Variants in CDH12 observed in about 807,000 individuals in gnomAD.
The protein encoded by CDH12 is cadherin 12.
In CDH12, 41 loss-of-function variants were observed where a neutral mutation model predicts 74.1. That is an observed-to-expected ratio of 0.55 (90% confidence interval 0.43 to 0.72). The LOEUF (loss-of-function observed/expected upper bound fraction) is 0.72. Ranked by LOEUF, CDH12 falls within the 30% of genes least tolerant of loss-of-function variation. The probability of loss-of-function intolerance (pLI) is 0.00; values close to 1 mark genes in which losing one functional copy is unlikely to be tolerated. For synonymous variants in CDH12, 399 were observed against 355.0 expected, an observed-to-expected ratio of 1.12 and a Z score of -1.39; for missense variants, 945 against 977.2, an observed-to-expected ratio of 0.97 and a Z score of 0.44.
chr5:22,192,063 G>T (rs910806940), intron 4 of CDH12, among the ~76,000 whole-genome samples: 2 of 152,068 alleles, frequency 1.3e-5, no homozygotes, highest in South Asian at 4.1e-4. Flanking sequence ...AGACTCCCCA[G>T]TAGCTAGGAT....
chr5:22,619,198 C>A (rs1215469443), intron 1 of CDH12, among the ~76,000 whole-genome samples: 1 of 152,066 alleles, frequency 6.6e-6, no homozygotes, highest in Non-Finnish European at 1.5e-5. Flanking sequence ...GTCCCTATAT[C>A]TTTCCATACT....
intron 6 of CDH12, among the ~76,000 whole-genome samples, chr5:21,933,252 T>C (rs1254250995): frequency 6.6e-6 from 1 of 152,168 alleles, no homozygotes. Context: ...TTTTATTATG[T>C]TGAACATCAG....
intron 4 of CDH12, among the ~76,000 whole-genome samples, chr5:22,097,440 C>T (rs767095763): frequency 1.3e-5 from 2 of 152,188 alleles, no homozygotes; most frequent in South Asian, 2.1e-4. Flanking sequence ...ACATTACCTT[C>T]TTTTCAAGGG....
chr5:22,081,775 A>C (rs1742744970), intron 4 of CDH12, among the ~76,000 whole-genome samples: 1 of 152,294 alleles, frequency 6.6e-6, no homozygotes, highest in Admixed American at 6.5e-5. Flanking sequence ...CTTAGAAGTC[A>C]AATGTGTCTA....
chr5:22,549,187 G>A (rs1290058934), intron 1 of CDH12, among the ~76,000 whole-genome samples: 1 of 150,810 alleles, frequency 6.6e-6, no homozygotes, highest in African/African-American at 2.4e-5. Context: ...TGGCCAGGCT[G>A]GCCTGGAATT....
At chr5:22,027,193 A>C (rs1338952790) in intron 5 of CDH12, among the ~76,000 whole-genome samples, 3 of 151,938 alleles carry the variant, frequency 2.0e-5, no homozygotes, top group Admixed American at 2.0e-4. Context: ...AAGCTTTTTG[A>C]TGTGCTGCTG....
intron 6 of CDH12, among the ~76,000 whole-genome samples, chr5:21,967,438 C>T (rs1377360452): frequency 1.3e-5 from 2 of 152,238 alleles, no homozygotes; most frequent in East Asian, 3.9e-4. Context: ...ATGTTTACAA[C>T]CACTTGGAGG....
At chr5:21,981,189 T>A (rs6898840) in intron 5 of CDH12, among the ~76,000 whole-genome samples, 2 of 152,092 alleles carry the variant, frequency 1.3e-5, no homozygotes, top group African/African-American at 4.8e-5. Context: ...ACTGTACCAC[T>A]GTTTATTCTC....
At chr5:21,889,827 C>G (rs746003026) in intron 6 of CDH12, 1 of 985,196 alleles carries the variant, frequency 1.0e-6, no homozygotes, top group Admixed American at 6.2e-5. Context: ...AGAACAGCTG[C>G]CTTTGCCTAA....
chr5:22,348,930 ATGTT>A (rs1740238803), intron 3 of CDH12, among the ~76,000 whole-genome samples: 1 of 152,144 alleles, frequency 6.6e-6, no homozygotes, highest in Non-Finnish European at 1.5e-5. Flanking sequence ...TGTGATCTGA[ATGTT>A]TGTGTCCCCC....
At chr5:21,961,221 A>T (rs1464136724) in intron 6 of CDH12, among the ~76,000 whole-genome samples, 1 of 152,112 alleles carries the variant, frequency 6.6e-6, no homozygotes, top group Non-Finnish European at 1.5e-5. Flanking sequence ...ACACTCTGTT[A>T]TCAGTTGTAT....
chr5:22,533,458 A>G (rs1737683530), intron 1 of CDH12, among the ~76,000 whole-genome samples: 1 of 152,220 alleles, frequency 6.6e-6, no homozygotes, highest in African/African-American at 2.4e-5. Context: ...TGTTTTCTAT[A>G]TAAGAAGGTC....
chr5:22,563,073 T>G (rs955198327), intron 1 of CDH12, among the ~76,000 whole-genome samples: 1 of 147,396 alleles, frequency 6.8e-6, no homozygotes, highest in East Asian at 1.9e-4. Flanking sequence ...TAGATTTATA[T>G]ATTTATATAT....
intron 5 of CDH12, among the ~76,000 whole-genome samples, chr5:22,018,915 T>C (rs1253292849): frequency 6.6e-6 from 1 of 152,004 alleles, no homozygotes; most frequent in African/African-American, 2.4e-5. Flanking sequence ...CTGCTAAAAA[T>C]ACAAAAATTA....
chr5:22,031,302 C>G lies in CDH12; in HGVS notation c.231+47144G>C, dbSNP rs560004757. On this transcript the variant is annotated intron_variant, in intron 5 of 14. Transcript: ENST00000382254. Reference sequence around the variant, plus strand: ...TGAGCCAAGATCCTGCCACTGAACTCCAGCCTGGGCAACAGAGACTCCATC... The same window carrying G: ...TGAGCCAAGATCCTGCCACTGAACTGCAGCCTGGGCAACAGAGACTCCATC... Among the ~76,000 whole-genome samples the G allele has an allele frequency of 1.3e-3, 183 of 140,512 alleles. 1 individual carries two copies. The highest frequency in any genetic ancestry group is 4.9e-3 in the African/African-American group (165 of 33,612). The allele number at this position is 140,512 out of a possible 152,430, so 92.2% of individuals were successfully genotyped here.
chr5:22,529,165 GTATATA>G (rs375609140), intron 1 of CDH12, among the ~76,000 whole-genome samples: 1,827 of 75,684 alleles, frequency 0.024, 41 homozygotes, highest in Admixed American at 0.075. Flanking sequence ...ATACACATGT[GTATATA>G]TATATATATA....
chr5:22,305,615 C>T (rs1479005537), intron 3 of CDH12, among the ~76,000 whole-genome samples: 8 of 152,018 alleles, frequency 5.3e-5, no homozygotes, highest in African/African-American at 1.9e-4. Context: ...TGCAGGCCGC[C>T]CTAGGGAAGG....
At chr5:22,355,325 T>G (rs955039107) in intron 3 of CDH12, among the ~76,000 whole-genome samples, 1 of 152,032 alleles carries the variant, frequency 6.6e-6, no homozygotes, top group Admixed American at 6.6e-5. Flanking sequence ...GAAATCAGAA[T>G]GTAGCTTACT....
chr5:22,741,090 T>C (rs889482377), intron 1 of CDH12, among the ~76,000 whole-genome samples: 5 of 152,138 alleles, frequency 3.3e-5, no homozygotes, highest in African/African-American at 1.2e-4. Context: ...TCAGGAGATA[T>C]TTATTACAAA....
Sources: gnomAD v4.1 joint callset for allele counts (sites outside exome capture counted in the v4.1 genomes callset) on GRCh38, gnomAD v4.1.1 for gene constraint, MANE v1.5 for transcripts, NCBI Gene and HGNC (gene_info 2026-07-23, HGNC 2026-07-21) for gene names.